Variants in ARMC2 observed in about 807,000 individuals in gnomAD.
The protein encoded by ARMC2 is armadillo repeat-containing protein 2.
Under a neutral mutation model 90.3 loss-of-function variants are expected in ARMC2, and 67 were observed. The observed-to-expected ratio is 0.74, with a 90% confidence interval of 0.61 to 0.91. The LOEUF is 0.91. Among genes scored for constraint, ARMC2 ranks in the 40% least tolerant of loss-of-function variants. The pLI, the probability that ARMC2 is intolerant of heterozygous loss-of-function variation, is 0.00. For synonymous variants in ARMC2, 393 were observed against 393.0 expected (o/e 1.00, Z 0.00); for missense variants, 920 against 1,030.9 (o/e 0.89, Z 1.47).
the ARMC2 span, among the ~76,000 whole-genome samples, chr6:109,047,487 T>C: frequency 3.8e-5 from 4 of 104,500 alleles, no homozygotes; most frequent in African/African-American, 3.4e-5. Context: ...GTCAGCCCCC[T>C]GCCCGGCCAG....
chr6:108,946,091 G>T (rs754719134), intron 12 of ARMC2, among the ~76,000 whole-genome samples: 1 of 152,216 alleles, frequency 6.6e-6, no homozygotes, highest in Non-Finnish European at 1.5e-5. Context: ...TGTACAATAC[G>T]CCCTTAGCTT....
intron 11 of ARMC2, among the ~76,000 whole-genome samples, chr6:108,933,923 G>A (rs1407965348): frequency 1.3e-5 from 2 of 152,126 alleles, no homozygotes; most frequent in Non-Finnish European, 2.9e-5. Flanking sequence ...GTGCAGTGGC[G>A]TGATCTTGGC....
intron 12 of ARMC2, among the ~76,000 whole-genome samples, chr6:108,943,179 A>G (rs1018851485): frequency 1.2e-4 from 18 of 152,148 alleles, no homozygotes; most frequent in African/African-American, 3.6e-4. Context: ...AAAGTCACAA[A>G]ATTTTCCATT....
intron 12 of ARMC2, among the ~76,000 whole-genome samples, chr6:108,944,989 T>C (rs891832823): frequency 6.6e-6 from 1 of 152,176 alleles, no homozygotes; most frequent in Non-Finnish European, 1.5e-5. Context: ...AAAACTGAGA[T>C]GAAACAGCCT....
chr6:108,958,041 G>A (rs910068313), intron 13 of ARMC2, among the ~76,000 whole-genome samples: 1 of 152,168 alleles, frequency 6.6e-6, no homozygotes, highest in African/African-American at 2.4e-5. Flanking sequence ...AAACCTCAGT[G>A]TTCTCATCTG....
chr6:109,027,895 A>G, the ARMC2 span, among the ~76,000 whole-genome samples: 4 of 152,072 alleles, frequency 2.6e-5, no homozygotes, highest in East Asian at 7.7e-4. Context: ...ATCAGTTCAA[A>G]CCTTTTGTCC....
chr6:108,893,069 C>T (rs1006369758), intron 5 of ARMC2, among the ~76,000 whole-genome samples: 2 of 152,290 alleles, frequency 1.3e-5, no homozygotes, highest in Non-Finnish European at 2.9e-5. Flanking sequence ...ATTTTGTGCA[C>T]ATATTTAAAA....
At chr6:108,932,652 C>G (rs888838978) in intron 11 of ARMC2, among the ~76,000 whole-genome samples, 1 of 150,838 alleles carries the variant, frequency 6.6e-6, no homozygotes, top group East Asian at 2.0e-4. Context: ...CCTCAGCCTC[C>G]CGAGTAGCTG....
At chr6:108,921,284 A>C (rs1005710546) in intron 10 of ARMC2, among the ~76,000 whole-genome samples, 2 of 152,186 alleles carry the variant, frequency 1.3e-5, no homozygotes, top group Admixed American at 1.3e-4. Flanking sequence ...GCATAGAGGC[A>C]GTAAATGGAG....
chr6:108,942,119 C>T (rs1303548666), intron 12 of ARMC2, among the ~76,000 whole-genome samples: 1 of 152,142 alleles, frequency 6.6e-6, no homozygotes, highest in Non-Finnish European at 1.5e-5. Context: ...ACTGCGAGTT[C>T]CTAAACAACA....
the ARMC2 span, among the ~76,000 whole-genome samples, chr6:109,040,899 G>T: frequency 6.6e-6 from 1 of 151,880 alleles, no homozygotes; most frequent in Non-Finnish European, 1.5e-5. Flanking sequence ...TGATCTGCCC[G>T]CCTCAGCCTC....
At chr6:108,926,978 G>A (rs1266993597) in intron 10 of ARMC2, among the ~76,000 whole-genome samples, 1 of 136,814 alleles carries the variant, frequency 7.3e-6, no homozygotes. Flanking sequence ...ATATTTTAAT[G>A]TATCTTTTTG....
the ARMC2 span, chr6:109,001,586 G>T: frequency 9.4e-7 from 1 of 1,062,622 alleles, no homozygotes; most frequent in Non-Finnish European, 1.4e-6. Flanking sequence ...TTTAGAAGCA[G>T]ATTAAATCTG....
At chr6:109,036,498 T>G in the ARMC2 span, among the ~76,000 whole-genome samples, 15,222 of 152,262 alleles carry the variant, frequency 0.1, 927 homozygotes, top group Middle Eastern at 0.19. Flanking sequence ...CAGTTTCTGA[T>G]GCTGGGATCT....
chr6:108,933,790 T>C (rs997380432), intron 11 of ARMC2, among the ~76,000 whole-genome samples: 1 of 152,194 alleles, frequency 6.6e-6, no homozygotes, highest in Non-Finnish European at 1.5e-5. Flanking sequence ...TAGTATGATA[T>C]TGGCTGTGGG....
intron 4 of ARMC2, among the ~76,000 whole-genome samples, chr6:108,871,352 A>T (rs1297292986): frequency 6.6e-6 from 1 of 152,182 alleles, no homozygotes; most frequent in Non-Finnish European, 1.5e-5. Flanking sequence ...GTAGCTGCCC[A>T]TGAGAATCAC....
At chr6:108,984,162 C>A in the ARMC2 span, among the ~76,000 whole-genome samples, 1 of 152,272 alleles carries the variant, frequency 6.6e-6, no homozygotes, top group Non-Finnish European at 1.5e-5. Flanking sequence ...CCCACTGCAC[C>A]GTCCACCCTG....
At chr6:108,863,949 A>T (rs1042415494) in intron 3 of ARMC2, among the ~76,000 whole-genome samples, 1 of 152,248 alleles carries the variant, frequency 6.6e-6, no homozygotes, top group Non-Finnish European at 1.5e-5. Flanking sequence ...AGTTTGAGCC[A>T]CATAACTGAG....
intron 5 of ARMC2, among the ~76,000 whole-genome samples, chr6:108,877,518 G>A (rs533679373): frequency 2.0e-5 from 3 of 152,328 alleles, no homozygotes; most frequent in East Asian, 3.9e-4. Flanking sequence ...GACTTTGGGA[G>A]TTGAGTAGAA....
Sources: gnomAD v4.1 joint callset for allele counts (sites outside exome capture counted in the v4.1 genomes callset) on GRCh38, gnomAD v4.1.1 for gene constraint, MANE v1.5 for transcripts, NCBI Gene and HGNC (gene_info 2026-07-23, HGNC 2026-07-21) for gene names.